SCN8A: variants seen among roughly 807,000 people sequenced by gnomAD.
SCN8A encodes the protein sodium voltage-gated channel alpha subunit 8, also known as sodium channel protein type 8 subunit alpha.
A neutral mutation model predicts 184.1 loss-of-function variants in SCN8A; 30 were observed. The ratio of observed to expected loss-of-function variants is 0.16; its 90% CI spans 0.12 to 0.22. The LOEUF is 0.22. SCN8A is among the 10% of genes least tolerant of loss of function. SCN8A has a pLI of 1.00. For synonymous variants in SCN8A, 852 were observed against 907.0 expected, an observed-to-expected ratio of 0.94 and a Z score of 1.09; for missense variants, 1,057 against 2,498.9, an observed-to-expected ratio of 0.42 and a Z score of 12.30.
intron 6 of SCN8A, among the ~76,000 whole-genome samples, chr12:51,693,338 C>G (rs1941542136): frequency 6.6e-6 from 1 of 152,200 alleles, no homozygotes; most frequent in Non-Finnish European, 1.5e-5. Flanking sequence ...ACACTAAATG[C>G]TCACAGGATC....
At chr12:51,738,996 G>A (rs983541586) in intron 12 of SCN8A, among the ~76,000 whole-genome samples, 3 of 152,170 alleles carry the variant, frequency 2.0e-5, no homozygotes, top group Non-Finnish European at 4.4e-5. Flanking sequence ...GCCCCTCATG[G>A]TGTTTCCCAA....
intron 1 of SCN8A, among the ~76,000 whole-genome samples, chr12:51,645,233 G>GC (rs1592351187): frequency 6.9e-6 from 1 of 144,584 alleles, no homozygotes; most frequent in African/African-American, 2.6e-5. Flanking sequence ...CCGGCCAGCC[G>GC]CCCCATCCGG....
chr12:51,683,701 A>G (rs1941373040), intron 2 of SCN8A, among the ~76,000 whole-genome samples: 1 of 152,122 alleles, frequency 6.6e-6, no homozygotes, highest in African/African-American at 2.4e-5. Flanking sequence ...TGATTTACTC[A>G]TTCATTACAG....
chr12:51,601,068 C>G (rs1939453441), intron 1 of SCN8A, among the ~76,000 whole-genome samples: 1 of 152,128 alleles, frequency 6.6e-6, no homozygotes, highest in Admixed American at 6.6e-5. Flanking sequence ...TAAGTGCATA[C>G]CTTTCTCCTA....
At chr12:51,697,879 C>CA (rs775365937) in intron 6 of SCN8A, among the ~76,000 whole-genome samples, 3 of 152,162 alleles carry the variant, frequency 2.0e-5, no homozygotes, top group Non-Finnish European at 4.4e-5. Context: ...GACGGAGTCT[C>CA]GCTCTGTTGA....
At chr12:51,733,300 A>G (rs916271605) in intron 12 of SCN8A, among the ~76,000 whole-genome samples, 4 of 152,168 alleles carry the variant, frequency 2.6e-5, no homozygotes, top group Non-Finnish European at 5.9e-5. Flanking sequence ...TTTCAACGTC[A>G]ATTGAAATGA....
intron 21 of SCN8A, 99 bp from the exon 22 acceptor site, chr12:51,786,443 A>G (rs1938087782): frequency 2.3e-6 from 3 of 1,322,550 alleles, no homozygotes; most frequent in African/African-American, 1.5e-5. Flanking sequence ...ATGTTTCCAT[A>G]CAGAACAAGC....
At chr12:51,791,605 T>C (rs926079894) in intron 25 of SCN8A, among the ~76,000 whole-genome samples, 2 of 152,254 alleles carry the variant, frequency 1.3e-5, no homozygotes, top group Non-Finnish European at 2.9e-5. Flanking sequence ...AGGGTTAACA[T>C]TTCTAAAGTT....
At chr12:51,618,746 G>A (rs963680123) in intron 1 of SCN8A, among the ~76,000 whole-genome samples, 2 of 152,070 alleles carry the variant, frequency 1.3e-5, no homozygotes, top group African/African-American at 4.8e-5. Flanking sequence ...GCAGGTGTGA[G>A]AAAGGTGGTG....
intron 2 of SCN8A, among the ~76,000 whole-genome samples, chr12:51,670,505 G>T (rs1028421256): frequency 6.6e-6 from 1 of 152,206 alleles, no homozygotes; most frequent in Non-Finnish European, 1.5e-5. Context: ...GATGAGGCTG[G>T]GGAGGGTGAG....
At chr12:51,798,869 C>T (rs539354869) in intron 26 of SCN8A, among the ~76,000 whole-genome samples, 11 of 152,328 alleles carry the variant, frequency 7.2e-5, no homozygotes, top group African/African-American at 2.6e-4. Context: ...CTTTGAAGTC[C>T]CTGACCATCC....
At chr12:51,802,021 C>T (rs1220765638) in intron 26 of SCN8A, among the ~76,000 whole-genome samples, 2 of 152,072 alleles carry the variant, frequency 1.3e-5, no homozygotes, top group Non-Finnish European at 2.9e-5. Context: ...CACCACTGCA[C>T]TCTAGCCTGG....
chr12:51,653,277 T>C (rs2138656141), intron 1 of SCN8A, among the ~76,000 whole-genome samples: 1 of 152,218 alleles, frequency 6.6e-6, no homozygotes, highest in South Asian at 2.1e-4. Flanking sequence ...CCGAGATCAT[T>C]TATAAACTTT....
At chr12:51,744,613 CTTTT>C (rs1410294336) in intron 12 of SCN8A, among the ~76,000 whole-genome samples, 3 of 137,528 alleles carry the variant, frequency 2.2e-5, no homozygotes, top group Non-Finnish European at 1.6e-5. Context: ...TGATGAAACA[CTTTT>C]TTTTTTTTTT....
At chr12:51,604,606 C>T (rs536903868) in intron 1 of SCN8A, among the ~76,000 whole-genome samples, 2 of 152,048 alleles carry the variant, frequency 1.3e-5, no homozygotes, top group Non-Finnish European at 2.9e-5. Flanking sequence ...CTCAGCTCAC[C>T]GCAACCTCCG....
intron 2 of SCN8A, among the ~76,000 whole-genome samples, chr12:51,680,221 T>C (rs1415974653): frequency 6.6e-6 from 1 of 152,184 alleles, no homozygotes; most frequent in Admixed American, 6.5e-5. Context: ...AAGATGTAAA[T>C]ATTTAGAAAG....
chr12:51,807,162 C>A lies in SCN8A; in HGVS notation c.5676C>A (p.Arg1892=). 6.2e-7 allele frequency: 1 copy of A among 1,613,934 alleles called. No individual in the cohort carries two copies. The highest frequency in any genetic ancestry group is 8.5e-7 in the Non-Finnish European group (1 of 1,179,878). The change falls in exon 27 of 27, where the codon CGC becomes CGA. Residue 1892 remains arginine (R), a synonymous_variant. Coordinates refer to ENST00000627620, the MANE Select transcript of SCN8A (RefSeq NM_001330260.2). This position sits in a 1 kb window ranked among gnomAD's most constrained non-coding sequence, Gnocchi z 4.5. ...AGCCAATCACAACCACACTGCGTCG[C>A]AAGCAGGAGGAGGTATCTGCAGTGG... is the stretch of plus-strand genomic sequence containing the variant. ...SYEPITTTLR[R]KQEEVSAVVL...
chr12:51,766,883 T>G (rs1942845771), intron 16 of SCN8A, among the ~76,000 whole-genome samples: 1 of 152,192 alleles, frequency 6.6e-6, no homozygotes, highest in South Asian at 2.1e-4. Flanking sequence ...AAGGACTATC[T>G]TACAGATCAG....
At chr12:51,673,318 A>C (rs1555215359) in intron 2 of SCN8A, among the ~76,000 whole-genome samples, 3 of 152,214 alleles carry the variant, frequency 2.0e-5, no homozygotes, top group Non-Finnish European at 4.4e-5. Flanking sequence ...ATACAATATC[A>C]TCTTATGTCA....
Sources: gnomAD v4.1 joint callset for allele counts (sites outside exome capture counted in the v4.1 genomes callset) on GRCh38, gnomAD v4.1.1 for gene constraint, Gnocchi (gnomAD v3.1) non-coding constraint, MANE v1.5 for transcripts, NCBI Gene and HGNC (gene_info 2026-07-23, HGNC 2026-07-21) for gene names.